TEX10: variants seen among roughly 807,000 people sequenced by gnomAD.
The protein encoded by TEX10 is testis expressed 10.
A neutral mutation model predicts 104.4 loss-of-function variants in TEX10; 24 were observed. The observed-to-expected ratio is 0.23, with a 90% CI of 0.17 to 0.32. The LOEUF is 0.32. TEX10 is among the 10% of genes least tolerant of loss of function. The pLI is 1.00. For synonymous variants in TEX10, 396 were observed against 393.4 expected, an observed-to-expected ratio of 1.01 and a Z score of -0.08; for missense variants, 921 against 1,083.9, an observed-to-expected ratio of 0.85 and a Z score of 2.11.
Position 100,308,630 on chromosome 9 carries a change from T to A in TEX10, c.2335A>T (p.Ile779Phe). ...CAAGTATGATCCAGGAGCTTACAGA[T>A]AACACCAAAAACACAGCCAGCCGTG... Reference protein sequence around the residue: ...DSTAGCVFGVICKLLDHTCVV... With the variant: ...DSTAGCVFGVFCKLLDHTCVV... Residue 779 changes from isoleucine (I) to phenylalanine (F), a missense_variant, in exon 13 of 15, where the codon ATC becomes TTC. Physicochemically the swap from Ile to Phe is conservative, Grantham distance 21. This residue lies in a region of TEX10 where 753 missense variants were observed against 868.4 expected (regional missense o/e 0.87). Coordinates refer to ENST00000374902, the MANE Select transcript of TEX10 (RefSeq NM_017746.4). 1.9e-6 allele frequency: 3 copies of A among 1,610,508 alleles called. No individual in the cohort carries two copies. The highest frequency in any genetic ancestry group is 2.5e-6 in the Non-Finnish European group (3 of 1,178,354).
chr9:100,327,819 T>C lies in TEX10; in HGVS notation c.1769A>G (p.Lys590Arg). 2 of 1,595,770 alleles carry C rather than the reference T, an allele frequency of 1.3e-6. No individual in the cohort carries two copies. Among genetic ancestry groups the C allele is most frequent in the Non-Finnish European group, 1.7e-6 (2 of 1,167,628 alleles). Residue 590 changes from lysine (K) to arginine (R), a missense_variant, in exon 8 of 15, where the codon AAA becomes AGA. By Grantham distance (26) the Lys-to-Arg change is conservative (BLOSUM62 2). Coordinates refer to ENST00000374902, the MANE Select transcript of TEX10 (RefSeq NM_017746.4). ...AAARANKELLKSLQATALRIY... is the reference protein window; with the variant it reads ...AAARANKELLRSLQATALRIY... ...TCGGAGGGCAGTAGCTTGTAAACTT[T>C]TTAGTAATTCTTTATTTGCTCGTGC...
chr9:100,344,207 T>C (rs1271729567), intron 4 of TEX10, among the ~76,000 whole-genome samples: 2 of 152,196 alleles, frequency 1.3e-5, no homozygotes, highest in Non-Finnish European at 2.9e-5. Context: ...GTATCTCAAT[T>C]TGTATTCTGA....
chr9:100,314,467 T>G (rs763812804), intron 11 of TEX10, among the ~76,000 whole-genome samples: 1 of 152,214 alleles, frequency 6.6e-6, no homozygotes, highest in Non-Finnish European at 1.5e-5. Flanking sequence ...GGTTCAACCT[T>G]GGGGAGTTGT....
At chr9:100,314,416 A>G (rs1451693346) in intron 11 of TEX10, among the ~76,000 whole-genome samples, 1 of 151,826 alleles carries the variant, frequency 6.6e-6, no homozygotes. Flanking sequence ...ATTTAACCAT[A>G]CTACTCATTA....
At chr9:100,340,117 AT>A in intron 5 of TEX10, 139 bp downstream of exon 5, 1 of 439,710 alleles carries the variant, frequency 2.3e-6, no homozygotes, top group Non-Finnish European at 4.0e-6. Flanking sequence ...AAAATCAGCC[AT>A]ATTACTACTT....
chr9:100,336,952 A>G (rs1835026197), intron 5 of TEX10, among the ~76,000 whole-genome samples: 1 of 152,118 alleles, frequency 6.6e-6, no homozygotes, highest in South Asian at 2.1e-4. Flanking sequence ...AAAATCCCTC[A>G]ATTTCATCAT....
chr9:100,339,328 T>TA (rs1253999600), intron 5 of TEX10, among the ~76,000 whole-genome samples: 1 of 137,806 alleles, frequency 7.3e-6, no homozygotes, highest in Non-Finnish European at 1.5e-5. Context: ...TTATATATAT[T>TA]TATATATTAT....
intron 1 of TEX10, chr9:100,352,498 T>C: frequency 6.4e-7 from 1 of 1,551,146 alleles, no homozygotes; most frequent in Non-Finnish European, 8.7e-7. Context: ...GGGGCCCGAT[T>C]CACACACTCC....
intron 13 of TEX10, chr9:100,305,791 G>A (rs998242673): frequency 6.6e-6 from 1 of 152,212 alleles, no homozygotes; most frequent in Admixed American, 6.5e-5. Flanking sequence ...ACCCAGGTAT[G>A]GAAGGCAGGG....
chr9:100,312,441 T>C (rs1392558773), intron 11 of TEX10, among the ~76,000 whole-genome samples: 1 of 152,208 alleles, frequency 6.6e-6, no homozygotes, highest in South Asian at 2.1e-4. Context: ...GCCAGGTTTC[T>C]ATCAGAGAAA....
intron 1 of TEX10, among the ~76,000 whole-genome samples, chr9:100,352,050 C>T (rs949931404): frequency 6.6e-6 from 1 of 152,070 alleles, no homozygotes; most frequent in Non-Finnish European, 1.5e-5. Context: ...CAGATCCTAG[C>T]GTTTTTAGGA....
intron 8 of TEX10, among the ~76,000 whole-genome samples, chr9:100,327,232 T>C (rs968140064): frequency 3.3e-5 from 5 of 152,032 alleles, no homozygotes; most frequent in African/African-American, 1.2e-4. Context: ...GTGATAAAAA[T>C]GTTTTAGAAT....
chr9:100,311,082 C>T (rs1327323475), intron 11 of TEX10, among the ~76,000 whole-genome samples: 3 of 152,010 alleles, frequency 2.0e-5, no homozygotes, highest in Non-Finnish European at 2.9e-5. Context: ...ATCATTTTTT[C>T]CCCCCAATCA....
intron 4 of TEX10, among the ~76,000 whole-genome samples, chr9:100,344,673 C>T (rs930425508): frequency 4.9e-4 from 74 of 152,138 alleles, no homozygotes; most frequent in African/African-American, 1.7e-3. Context: ...GGTAAAACCC[C>T]GTCTCTACTA....
intron 11 of TEX10, among the ~76,000 whole-genome samples, chr9:100,315,386 T>C (rs1020244134): frequency 1.3e-5 from 2 of 152,216 alleles, no homozygotes; most frequent in Non-Finnish European, 2.9e-5. Flanking sequence ...TTGCTATGTA[T>C]TTCTTCCTTT....
chr9:100,346,140 G>A lies in TEX10; in HGVS notation c.1069C>T (p.Gln357Ter). The change falls in exon 4 of 15, where the codon CAG becomes TAG. Residue 357 changes from glutamine (Q) to a stop codon, truncating the protein, a stop_gained. Transcript: ENST00000374902. LOFTEE classifies it high-confidence loss of function. ...GIEREPLQVM[Q>*]QVLNIISLLW... ...AGGGAAATAATATTAAGAACTTGCT[G>A]CATAACCTGTAGAGGTTCTCGTTCT... 1 of 1,613,984 alleles carries A rather than the reference G, an allele frequency of 6.2e-7. No homozygotes were observed. Among genetic ancestry groups the A allele is most frequent in the Non-Finnish European group, 8.5e-7 (1 of 1,179,940 alleles).
chr9:100,310,163 T>C (rs1834237586), intron 12 of TEX10, 136 bp downstream of exon 12: 2 of 698,234 alleles, frequency 2.9e-6, no homozygotes, highest in East Asian at 3.0e-5. Flanking sequence ...TTCTTGCCAA[T>C]GCATCATGCT....
Position 100,317,495 on chromosome 9 carries a change from G to A in TEX10, c.2202+2770C>T, listed in dbSNP as rs140718383. On this transcript the variant is annotated intron_variant, in intron 11 of 14. Coordinates refer to ENST00000374902, the MANE Select transcript of TEX10 (RefSeq NM_017746.4). ...CAATATACAAAAATCAACTCGAGAT[G>A]ATTAAACACTTAAATGTAGGACATG... Among the ~76,000 whole-genome samples the A allele has an allele frequency of 3.6e-3, 550 of 152,242 alleles. 3 individuals carry two copies. Among genetic ancestry groups the A allele is most frequent in the African/African-American group, 0.012 (516 of 41,538 alleles).
intron 4 of TEX10, among the ~76,000 whole-genome samples, chr9:100,343,733 GAGACATCAATTT>G (rs1564219735): frequency 6.6e-6 from 1 of 151,994 alleles, no homozygotes; most frequent in African/African-American, 2.4e-5. Context: ...ATATCTAACC[GAGACATCAATTT>G]ACCAATAGAA....
Sources: allele counts gnomAD v4.1 joint callset (sites outside exome capture counted in the v4.1 genomes callset), GRCh38; gene constraint gnomAD v4.1.1; regional missense constraint gnomAD v4.1.1; transcripts MANE v1.5; gene names NCBI Gene and HGNC (gene_info 2026-07-23, HGNC 2026-07-21).